Variants in NIM1K observed in about 807,000 individuals in gnomAD.
The protein encoded by NIM1K is serine/threonine-protein kinase NIM1.
A neutral mutation model predicts 37.1 loss-of-function variants in NIM1K; 35 were observed. The observed-to-expected ratio is 0.94, with a 90% CI of 0.72 to 1.25. The LOEUF is 1.25. Among genes scored for constraint, NIM1K ranks in the 50% most tolerant of loss-of-function variants. The probability of loss-of-function intolerance (pLI) is 0.00; values close to 1 mark genes in which losing one functional copy is unlikely to be tolerated. For missense variants in NIM1K, 564 were observed against 548.0 expected (o/e 1.03, Z -0.29); for synonymous variants, 234 against 206.6 (o/e 1.13, Z -1.14).
Position 43,239,989 on chromosome 5 carries a change from A to AC in NIM1K, c.-694-5091dup, listed in dbSNP as rs746355029. On this transcript the variant is annotated intron_variant, in intron 1 of 3. Transcript: ENST00000326035. ...TCAGGTATGATAATTTCCCTGTGTA[A>AC]CCAAAAGTAAAGCAAACTTATCGTA... Among the ~76,000 whole-genome samples, 10 of 152,138 alleles carry AC rather than the reference A, an allele frequency of 6.6e-5. 1 individual carries two copies. Among genetic ancestry groups the AC allele is most frequent in the African/African-American group, 1.2e-4 (5 of 41,356 alleles).
At chr5:43,210,797 G>A (rs544150905) in intron 1 of NIM1K, among the ~76,000 whole-genome samples, 3 of 152,244 alleles carry the variant, frequency 2.0e-5, no homozygotes, top group South Asian at 2.1e-4. Context: ...ATGTATGCAC[G>A]GAGGCTTCAG....
At chr5:43,268,218 G>T (rs977699565) in intron 2 of NIM1K, among the ~76,000 whole-genome samples, 1 of 152,184 alleles carries the variant, frequency 6.6e-6, no homozygotes, top group African/African-American at 2.4e-5. Context: ...CACCTAACAG[G>T]TTATTTCTGC....
At chr5:43,241,673 C>A (rs1350705477) in intron 1 of NIM1K, among the ~76,000 whole-genome samples, 1 of 151,882 alleles carries the variant, frequency 6.6e-6, no homozygotes, top group Non-Finnish European at 1.5e-5. Flanking sequence ...TTGTAAAATT[C>A]TTTACTTAGA....
At chr5:43,211,736 TC>T (rs1250117084) in intron 1 of NIM1K, among the ~76,000 whole-genome samples, 1 of 152,222 alleles carries the variant, frequency 6.6e-6, no homozygotes, top group African/African-American at 2.4e-5. Flanking sequence ...GCAATGGAAA[TC>T]TAATTTTATC....
intron 1 of NIM1K, among the ~76,000 whole-genome samples, chr5:43,236,497 A>G (rs1752623615): frequency 6.6e-6 from 1 of 152,190 alleles, no homozygotes; most frequent in Admixed American, 6.5e-5. Context: ...GTTTACCAAA[A>G]AATTCTTAAT....
intron 1 of NIM1K, chr5:43,206,805 G>A: frequency 1.3e-6 from 1 of 768,464 alleles, no homozygotes; most frequent in Non-Finnish European, 2.4e-6. Context: ...CCAGGATCAG[G>A]GGATGGTGGA....
chr5:43,258,034 C>A (rs920282738), intron 2 of NIM1K, among the ~76,000 whole-genome samples: 2 of 152,160 alleles, frequency 1.3e-5, no homozygotes, highest in African/African-American at 4.8e-5. Flanking sequence ...GGAAGCACCA[C>A]CAACATCAAG....
intron 1 of NIM1K, among the ~76,000 whole-genome samples, chr5:43,199,451 C>T (rs571278901): frequency 2.6e-5 from 4 of 151,816 alleles, no homozygotes; most frequent in Non-Finnish European, 5.9e-5. Context: ...TTTTAGCTGC[C>T]ATCAGAGACC....
intron 2 of NIM1K, among the ~76,000 whole-genome samples, chr5:43,275,063 A>G (rs1753318275): frequency 1.3e-5 from 2 of 152,240 alleles, no homozygotes; most frequent in East Asian, 1.9e-4. Flanking sequence ...CAGTAAGTCT[A>G]TATTCATGAT....
intron 2 of NIM1K, among the ~76,000 whole-genome samples, chr5:43,266,229 C>T (rs1234322116): frequency 1.3e-5 from 2 of 152,218 alleles, no homozygotes; most frequent in African/African-American, 4.8e-5. Context: ...GTGGAGTCTA[C>T]AGAGGCAGGC....
In NIM1K at chr5:43,232,473, T is replaced by C. The variant is rs952845426; in HGVS notation, c.-694-12609T>C. ...AGGGAAGCAGTGATGGAGGACACAA[T>C]TTGACCTATCAACCTATTCAGTTTA... On this transcript the variant is annotated intron_variant, in intron 1 of 3. Coordinates refer to ENST00000326035, the MANE Select transcript of NIM1K (RefSeq NM_153361.4). 33 of 1,502,160 alleles carry C rather than the reference T, an allele frequency of 2.2e-5. No individual in the cohort carries two copies. The Admixed American group carries it at 2.7e-4, about 12-fold the overall frequency. The allele number at this position is 1,502,160 out of a possible 1,614,324, so 93.1% of individuals were successfully genotyped here. A position where few individuals can be genotyped will look rare whatever the true frequency, so the allele number is the denominator to read the frequency against.
chr5:43,275,777 T>C (rs1444519224), intron 2 of NIM1K, among the ~76,000 whole-genome samples: 1 of 152,156 alleles, frequency 6.6e-6, no homozygotes, highest in Admixed American at 6.5e-5. Context: ...AGGACAAGTG[T>C]TGCAGAGGCT....
At chr5:43,254,928 C>A (rs1362903570) in intron 2 of NIM1K, among the ~76,000 whole-genome samples, 2 of 152,106 alleles carry the variant, frequency 1.3e-5, no homozygotes, top group Non-Finnish European at 2.9e-5. Context: ...AATAGCAATT[C>A]AAAATTGTAT....
chr5:43,266,782 T>A (rs1409955658), intron 2 of NIM1K, among the ~76,000 whole-genome samples: 2 of 152,248 alleles, frequency 1.3e-5, no homozygotes, highest in African/African-American at 4.8e-5. Context: ...AAATCTTCCC[T>A]CTATCTCTGG....
intron 1 of NIM1K, among the ~76,000 whole-genome samples, chr5:43,198,131 ATTTC>A (rs760219876): frequency 0.011 from 1,114 of 105,874 alleles, 31 homozygotes; most frequent in African/African-American, 0.015. Context: ...GGCCAATATG[ATTTC>A]TTTCTTTCTT....
At chr5:43,268,942 A>G (rs1023682005) in intron 2 of NIM1K, among the ~76,000 whole-genome samples, 2 of 151,604 alleles carry the variant, frequency 1.3e-5, no homozygotes, top group African/African-American at 4.8e-5. Context: ...AGGTGGTTTT[A>G]TAATGACCTT....
chr5:43,244,438 G>A (rs1047667468), intron 1 of NIM1K, among the ~76,000 whole-genome samples: 28 of 152,212 alleles, frequency 1.8e-4, no homozygotes, highest in Admixed American at 1.8e-3. Flanking sequence ...TCCTGCTGGA[G>A]AGTGCAGAAA....
At chr5:43,213,039 A>G (rs183046436) in intron 1 of NIM1K, among the ~76,000 whole-genome samples, 2 of 152,248 alleles carry the variant, frequency 1.3e-5, no homozygotes, top group African/African-American at 4.8e-5. Flanking sequence ...CAGAGGGTGT[A>G]TTCAGGCAAC....
chr5:43,213,335 C>CTT (rs1224027959), intron 1 of NIM1K, among the ~76,000 whole-genome samples: 4 of 90,950 alleles, frequency 4.4e-5, no homozygotes, highest in African/African-American at 1.6e-4. Context: ...CTTTTCTTTT[C>CTT]TTTTCTTTTC....
Sources: allele counts gnomAD v4.1 joint callset (sites outside exome capture counted in the v4.1 genomes callset), GRCh38; gene constraint gnomAD v4.1.1; transcripts MANE v1.5; gene names NCBI Gene and HGNC (gene_info 2026-07-23, HGNC 2026-07-21).